D2HGDH: variants seen among roughly 807,000 people sequenced by gnomAD.
D2HGDH encodes D-2-hydroxyglutarate dehydrogenase, mitochondrial.
In D2HGDH, 31 loss-of-function variants were observed where a neutral mutation model predicts 46.9. The ratio of observed to expected loss-of-function variants is 0.66; its 90% CI spans 0.50 to 0.89. D2HGDH has a LOEUF of 0.89. D2HGDH is among the 40% of genes least tolerant of loss of function. The probability of loss-of-function intolerance (pLI) is 0.00; values close to 1 mark genes in which losing one functional copy is unlikely to be tolerated. For missense variants in D2HGDH, 698 were observed against 720.8 expected (o/e 0.97, Z 0.36); for synonymous variants, 364 against 332.6 (o/e 1.09, Z -1.03).
intron 8 of D2HGDH, chr2:241,755,583 C>G: frequency 1.4e-6 from 2 of 1,479,586 alleles, no homozygotes; most frequent in Non-Finnish European, 1.8e-6. Flanking sequence ...GAGCCTGGGA[C>G]ATTCACTGTC....
intron 3 of D2HGDH, among the ~76,000 whole-genome samples, chr2:241,741,618 T>G (rs1694480801): frequency 1.1e-5 from 1 of 89,454 alleles, no homozygotes; most frequent in Non-Finnish European, 2.0e-5. Context: ...TCTCCAGGGT[T>G]TATTTCATGT....
At position 241,760,931 on chromosome 2, in the gene D2HGDH, T is replaced by C. The variant is rs551010200; in HGVS notation, c.1306+4917T>C. Among the ~76,000 whole-genome samples, 6 of 152,336 alleles carry C rather than the reference T, an allele frequency of 3.9e-5. No homozygotes were observed. In the South Asian group the frequency reaches 1.2e-3, roughly 32 times the overall value. Reference sequence around the variant, plus strand: ...CAGTGTGTCTCTCCATCTTTCTCTCTCTGTTTGTTTCTCTAAATATGTATA... The same window carrying C: ...CAGTGTGTCTCTCCATCTTTCTCTCCCTGTTTGTTTCTCTAAATATGTATA... On this transcript the variant is annotated intron_variant, in intron 9 of 9. Transcript: ENST00000321264.
At chr2:241,748,842 C>A in intron 6 of D2HGDH, 2 of 1,269,354 alleles carry the variant, frequency 1.6e-6, no homozygotes. Context: ...CTGTGTTCTG[C>A]TCTGATCCCA....
chr2:241,750,194 C>G lies in D2HGDH; in HGVS notation c.897C>G (p.Cys299Trp). ...FAEVLQTFST[C>W]KGMLGEILSA... The stretch of plus-strand genomic sequence containing the variant: ...AGGTTCTGCAGACCTTCAGCACCTG[C>G]AAGGGGATGCTGGGTGAGATCCTGT... The change falls in exon 7 of 10, where the codon TGC becomes TGG. Residue 299 changes from cysteine to tryptophan, a missense_variant. Coordinates refer to ENST00000321264, the MANE Select transcript of D2HGDH (RefSeq NM_152783.5). 6.2e-7 allele frequency: 1 copy of G among 1,614,110 alleles called. No individual in the cohort carries two copies. The highest frequency in any genetic ancestry group is 1.1e-5 in the South Asian group (1 of 91,088).
Position 241,738,457 on chromosome 2 carries a change from C to G in D2HGDH, c.293-2576C>G, listed in dbSNP as rs148147680. Among the ~76,000 whole-genome samples the G allele has an allele frequency of 7.2e-4, 109 of 152,374 alleles. 1 individual carries two copies. The East Asian group carries it at 0.02, about 28-fold the overall frequency. The stretch of plus-strand genomic sequence containing the variant: ...CCTAGCGTGAGCCTTGAGCACAATG[C>G]TTGGGTTCCCGTGCTCCCAGCCTGC... On this transcript the variant is annotated intron_variant, in intron 2 of 9. Coordinates refer to ENST00000321264, the MANE Select transcript of D2HGDH (RefSeq NM_152783.5).
intron 2 of D2HGDH, among the ~76,000 whole-genome samples, chr2:241,738,754 G>A (rs1289970779): frequency 6.6e-6 from 1 of 152,232 alleles, no homozygotes; most frequent in Admixed American, 6.5e-5. Flanking sequence ...CTGTGGGAGG[G>A]CGCCTTCCTC....
rs917385092 is a variant in D2HGDH, at chr2:241,755,019, G to A, written c.1141-830G>A. On this transcript the variant is annotated intron_variant, in intron 8 of 9. Transcript: ENST00000321264. ...GTGGTCCTGCAGCCCACAGAGGATG[G>A]CTCTGTCCTGTTCCTCATGGTGCAG... 5.4e-6 allele frequency: 7 copies of A among 1,286,506 alleles called. No individual in the cohort carries two copies. In the Middle Eastern group the frequency reaches 8.6e-4, roughly 157 times the overall value. The allele number at this position is 1,286,506 out of a possible 1,614,324, so 79.7% of individuals were successfully genotyped here.
In D2HGDH at chr2:241,744,850, C is replaced by T. The variant is rs149785833; in HGVS notation, c.826C>T (p.Pro276Ser). The T allele has an allele frequency of 1.9e-5, 30 of 1,614,084 alleles. No individual in the cohort carries two copies. In the African/African-American group the frequency reaches 3.5e-4, roughly 19 times the overall value. The stretch of plus-strand genomic sequence containing the variant: ...GGTGTCCATCTTGTGTCCACCCAAG[C>T]CCAGGGCTGTGAACGTGGCTTTCCT... ...TTVSILCPPK[P>S]RAVNVAFLGC... The change falls in exon 6 of 10, where the codon CCC becomes TCC. Residue 276 changes from proline to serine, a missense_variant. Transcript: ENST00000321264.
rs1491535349 is a variant in D2HGDH, at chr2:241,750,312, A to AG, written c.997+23dup. On this transcript the variant is annotated intron_variant, in intron 7 of 9. Coordinates refer to ENST00000321264, the MANE Select transcript of D2HGDH (RefSeq NM_152783.5). ...GGTGCAAGGTACTGACCCCCCACAC[A>AG]GGGGGCAGCTGGTCCTGCAGCTCCT... The AG allele has an allele frequency of 7.3e-7, 1 of 1,364,376 alleles. No individual in the cohort carries two copies. The highest frequency in any genetic ancestry group is 9.7e-7 in the Non-Finnish European group (1 of 1,027,480). 84.5% of individuals were successfully genotyped at this position (1,364,376 alleles called of 1,614,324 possible).
intron 8 of D2HGDH, chr2:241,755,599 T>C: frequency 1.3e-6 from 2 of 1,493,128 alleles, no homozygotes; most frequent in Non-Finnish European, 1.8e-6. Flanking sequence ...CTGTCTGGGA[T>C]TGATTCCAGG....
rs544017156 is a variant in D2HGDH at position 241,735,235 on chromosome 2, G to T, written c.11G>T (p.Arg4Leu). The stretch of plus-strand genomic sequence containing the variant: ...TCCGTCCCGGCGGCGATGCTGCCCC[G>T]TCGGCCTCTGGCGTGGCCCGCGTGG... MLP[R>L]RPLAWPAWLL... is the part of the protein sequence containing the mutation. Residue 4 changes from arginine to leucine, a missense_variant, in exon 2 of 10, where the codon CGT becomes CTT. Physicochemically the swap from Arg to Leu is moderately radical, Grantham distance 102. Coordinates refer to ENST00000321264, the MANE Select transcript of D2HGDH (RefSeq NM_152783.5). 8.6e-6 allele frequency: 13 copies of T among 1,513,800 alleles called. No homozygotes were observed. In the African/African-American group the frequency reaches 1.6e-4, roughly 18 times the overall value. 93.8% of individuals were successfully genotyped at this position (1,513,800 alleles called of 1,614,324 possible).
chr2:241,761,396 A>C (rs1698802514), intron 9 of D2HGDH, among the ~76,000 whole-genome samples: 1 of 152,040 alleles, frequency 6.6e-6, no homozygotes, highest in Non-Finnish European at 1.5e-5. Context: ...AAAATTAGCC[A>C]GGCATGGTGG....
At chr2:241,746,839 G>A (rs1210908782) in intron 6 of D2HGDH, among the ~76,000 whole-genome samples, 1 of 148,334 alleles carries the variant, frequency 6.7e-6, no homozygotes, top group East Asian at 2.0e-4. Flanking sequence ...AGTGGGCTGA[G>A]ATCATGCCAC....
intron 8 of D2HGDH, among the ~76,000 whole-genome samples, chr2:241,751,676 C>T (rs1559381996): frequency 1.3e-5 from 2 of 152,258 alleles, no homozygotes; most frequent in Non-Finnish European, 2.9e-5. Flanking sequence ...TCCCCTGCAG[C>T]CTGTGGTTAA....
At chr2:241,755,380 G>C in intron 8 of D2HGDH, 1 of 1,303,798 alleles carries the variant, frequency 7.7e-7, no homozygotes, top group South Asian at 1.2e-5. Context: ...TCCCTACCCT[G>C]CCCCACCCTG....
intron 9 of D2HGDH, among the ~76,000 whole-genome samples, chr2:241,759,988 G>T (rs1210380771): frequency 1.3e-5 from 2 of 152,274 alleles, no homozygotes; most frequent in Non-Finnish European, 2.9e-5. Flanking sequence ...GTTGAGTACA[G>T]GAGATCTCCC....
chr2:241,743,637 A>C lies in D2HGDH; in HGVS notation c.506A>C (p.Gln169Pro). The change falls in exon 5 of 10, where the codon CAG becomes CCG. Residue 169 changes from glutamine (Q) to proline (P), a missense_variant. Transcript: ENST00000321264. The surrounding 1 kb of genome is among the most constrained non-coding windows in gnomAD (Gnocchi z 4.8). ...FHSVSGILVC[Q>P]AGCVLEELSR... ...CTCTCTGCAGGAATTCTGGTTTGCC[A>C]GGCGGGCTGCGTCCTGGAGGAGCTG... 4 of 1,613,584 alleles carry C rather than the reference A, an allele frequency of 2.5e-6. No homozygotes were observed. Among genetic ancestry groups the C allele is most frequent in the Non-Finnish European group, 3.4e-6 (4 of 1,179,930 alleles).
intron 9 of D2HGDH, among the ~76,000 whole-genome samples, chr2:241,763,603 T>G (rs1371518548): frequency 6.6e-6 from 1 of 152,194 alleles, no homozygotes; most frequent in Non-Finnish European, 1.5e-5. Context: ...TAACAAGTAA[T>G]TGTGCTACAA....
rs538546982 is a variant in D2HGDH at position 241,760,135 on chromosome 2, G to C, written c.1306+4121G>C. Among the ~76,000 whole-genome samples, 450 of 109,472 alleles carry C rather than the reference G, an allele frequency of 4.1e-3. 27 individuals carry two copies. The highest frequency in any genetic ancestry group is 0.02 in the African/African-American group (421 of 21,252). 71.8% of individuals were successfully genotyped at this position (109,472 alleles called of 152,430 possible). On this transcript the variant is annotated intron_variant, in intron 9 of 9. Transcript: ENST00000321264. ...AGTCGAAGGACTTCGCCACAGCGTG[G>C]GTGGGCCTTACCCAATCAGTCGAAG...
Sources: gnomAD v4.1 joint callset for allele counts (sites outside exome capture counted in the v4.1 genomes callset) on GRCh38, gnomAD v4.1.1 for gene constraint, Gnocchi (gnomAD v3.1) non-coding constraint, MANE v1.5 for transcripts, NCBI Gene and HGNC (gene_info 2026-07-23, HGNC 2026-07-21) for gene names.